ACOT7: variants seen among roughly 807,000 people sequenced by gnomAD.
The protein encoded by ACOT7 is cytosolic acyl coenzyme A thioester hydrolase.
Under a neutral mutation model 40.2 loss-of-function variants are expected in ACOT7, and 12 were observed. That is an observed-to-expected ratio of 0.30 (90% CI 0.19 to 0.48). The LOEUF (loss-of-function observed/expected upper bound fraction) is 0.48. Ranked by LOEUF, ACOT7 falls within the 20% of genes least tolerant of loss-of-function variation. The pLI is 0.99. For missense variants in ACOT7, 395 were observed against 530.8 expected (o/e 0.74, Z 2.51); for synonymous variants, 228 against 219.5 (o/e 1.04, Z -0.34).
chr1:6,318,654 C>T (rs1640561144), intron 5 of ACOT7, 76 bp from the exon 6 acceptor site: 1 of 1,453,956 alleles, frequency 6.9e-7, no homozygotes, highest in Non-Finnish European at 9.5e-7. Context: ...AATGCCGAAA[C>T]CACCCTCAGG....
At chr1:6,290,237 T>C (rs1460225119) in intron 7 of ACOT7, among the ~76,000 whole-genome samples, 1 of 152,212 alleles carries the variant, frequency 6.6e-6, no homozygotes, top group Non-Finnish European at 1.5e-5. Flanking sequence ...TGCCTTAGAC[T>C]TCTGACCTCC....
intron 1 of ACOT7, among the ~76,000 whole-genome samples, chr1:6,363,340 G>A (rs982414050): frequency 2.0e-5 from 3 of 152,118 alleles, no homozygotes; most frequent in African/African-American, 7.2e-5. Flanking sequence ...CCGCCACTTA[G>A]CAGACCAGGA....
intron 7 of ACOT7, among the ~76,000 whole-genome samples, chr1:6,287,887 C>T (rs185726313): frequency 1.0e-3 from 158 of 152,340 alleles, no homozygotes; most frequent in Non-Finnish European, 1.8e-3. Flanking sequence ...GTATTTCTTA[C>T]ATAACACACC....
At chr1:6,368,407 G>A (rs958817194) in intron 1 of ACOT7, among the ~76,000 whole-genome samples, 14 of 152,108 alleles carry the variant, frequency 9.2e-5, no homozygotes, top group Non-Finnish European at 2.9e-5. Context: ...CCCGCCCCAG[G>A]GCCCTGAAGC....
intron 1 of ACOT7, among the ~76,000 whole-genome samples, chr1:6,382,603 C>G (rs1642359815): frequency 6.6e-6 from 1 of 151,616 alleles, no homozygotes; most frequent in Non-Finnish European, 1.5e-5. Context: ...ATCCCTTGAG[C>G]TCAGGAGTTT....
At chr1:6,371,743 T>C (rs1309550125) in intron 1 of ACOT7, among the ~76,000 whole-genome samples, 1 of 151,986 alleles carries the variant, frequency 6.6e-6, no homozygotes, top group Admixed American at 6.6e-5. Context: ...GAAAGCTGTT[T>C]CACCCACACT....
intron 6 of ACOT7, among the ~76,000 whole-genome samples, chr1:6,313,009 G>A (rs569485801): frequency 6.6e-6 from 1 of 152,294 alleles, no homozygotes; most frequent in South Asian, 2.1e-4. Flanking sequence ...CCTCAGCATC[G>A]CAAGGAGCAA....
chr1:6,377,442 G>A (rs1183868521), intron 1 of ACOT7, among the ~76,000 whole-genome samples: 1 of 152,092 alleles, frequency 6.6e-6, no homozygotes, highest in Non-Finnish European at 1.5e-5. Context: ...GCAAAATCAA[G>A]TAAAAATTCA....
chr1:6,286,910 G>A (rs1238260002), intron 7 of ACOT7, among the ~76,000 whole-genome samples: 1 of 152,196 alleles, frequency 6.6e-6, no homozygotes, highest in South Asian at 2.1e-4. Flanking sequence ...GGAGAGGCTT[G>A]CAGGGGGTAA....
intron 6 of ACOT7, among the ~76,000 whole-genome samples, chr1:6,300,332 G>A (rs892365561): frequency 1.3e-4 from 20 of 152,178 alleles, no homozygotes; most frequent in South Asian, 2.1e-4. Flanking sequence ...TGGCATTGCC[G>A]GGGAAGCTGG....
At chr1:6,343,227 C>T (rs1045155535) in intron 2 of ACOT7, among the ~76,000 whole-genome samples, 6 of 152,206 alleles carry the variant, frequency 3.9e-5, no homozygotes, top group African/African-American at 1.2e-4. Context: ...TGCGTCTGTG[C>T]TCTCCCACCT....
In ACOT7 at chr1:6,324,469, G is replaced by T. The variant is rs1213968008; in HGVS notation, c.625+2830C>A. 2.0e-5 allele frequency among the ~76,000 whole-genome samples: 3 copies of T among 152,306 alleles called. No individual in the cohort carries two copies. The East Asian group carries it at 5.8e-4, about 29-fold the overall frequency. Reference sequence around the variant, plus strand: ...ACAGTCAATCGGAGGCTGGCAAACAGAAGAGAATCCCACGAGTAAAGGAAT... The same window carrying T: ...ACAGTCAATCGGAGGCTGGCAAACATAAGAGAATCCCACGAGTAAAGGAAT... On this transcript the variant is annotated intron_variant, in intron 5 of 8. Transcript: ENST00000361521.
intron 3 of ACOT7, among the ~76,000 whole-genome samples, chr1:6,334,424 TG>T (rs1641044575): frequency 6.6e-6 from 1 of 152,240 alleles, no homozygotes; most frequent in Admixed American, 6.5e-5. Context: ...GTGGAGGCTG[TG>T]CCCAGGCAGA....
chr1:6,339,937 G>A (rs1373491874), intron 2 of ACOT7, among the ~76,000 whole-genome samples: 2 of 143,422 alleles, frequency 1.4e-5, no homozygotes, highest in South Asian at 2.2e-4. Flanking sequence ...CAGCCACCAC[G>A]CCCAGCTAAT....
chr1:6,339,934 C>T (rs1270946869), intron 2 of ACOT7, among the ~76,000 whole-genome samples: 1 of 146,552 alleles, frequency 6.8e-6, no homozygotes, highest in Admixed American at 6.8e-5. Context: ...CTACAGCCAC[C>T]ACGCCCAGCT....
At chr1:6,281,051 C>T (rs763486091) in intron 8 of ACOT7, 51 bp downstream of exon 8, 96 of 1,583,532 alleles carry the variant, frequency 6.1e-5, no homozygotes, top group Non-Finnish European at 7.9e-5. Context: ...ACACAGGGAC[C>T]CTAGGGCTGC....
Position 6,289,992 on chromosome 1 carries a change from C to T in ACOT7, c.829+4872G>A, listed in dbSNP as rs57516445. 7.9e-3 allele frequency among the ~76,000 whole-genome samples: 1,204 copies of T among 152,294 alleles called. 14 individuals carry two copies. Among genetic ancestry groups the T allele is most frequent in the African/African-American group, 0.028 (1,144 of 41,554 alleles). ...GACTCTGCAGACATTGACTAAGTGA[C>T]AGCCCTGGAGATGGGAAGATTGTTC... On this transcript the variant is annotated intron_variant, in intron 7 of 8. Transcript: ENST00000361521. This position sits in a 1 kb window ranked among gnomAD's most constrained non-coding sequence, Gnocchi z 4.6.
intron 8 of ACOT7, among the ~76,000 whole-genome samples, chr1:6,267,979 C>T (rs1164785515): frequency 6.6e-6 from 1 of 152,188 alleles, no homozygotes; most frequent in Non-Finnish European, 1.5e-5. Context: ...AAAAACAACA[C>T]AGTGAAAGAA....
At chr1:6,319,170 T>C (rs1640574894) in intron 5 of ACOT7, among the ~76,000 whole-genome samples, 2 of 152,210 alleles carry the variant, frequency 1.3e-5, no homozygotes, top group African/African-American at 2.4e-5. Context: ...CGATGACATA[T>C]AACGTCCAGT....
Sources: gnomAD v4.1 joint callset for allele counts (sites outside exome capture counted in the v4.1 genomes callset) on GRCh38, gnomAD v4.1.1 for gene constraint, Gnocchi (gnomAD v3.1) non-coding constraint, MANE v1.5 for transcripts, NCBI Gene and HGNC (gene_info 2026-07-23, HGNC 2026-07-21) for gene names.